Variants in UNC5D observed in about 807,000 individuals in gnomAD.
UNC5D encodes unc-5 netrin receptor D.
A neutral mutation model predicts 105.4 loss-of-function variants in UNC5D; 39 were observed. The observed-to-expected ratio is 0.37, with a 90% confidence interval of 0.29 to 0.48. UNC5D has a LOEUF of 0.48. UNC5D is among the 20% of genes least tolerant of loss of function. UNC5D has a pLI of 0.98. For synonymous variants in UNC5D, 452 were observed against 450.4 expected (o/e 1.00, Z -0.04); for missense variants, 991 against 1,202.4 (o/e 0.82, Z 2.60).
chr8:35,589,407 T>C (rs1819011758), intron 3 of UNC5D, among the ~76,000 whole-genome samples: 1 of 106,402 alleles, frequency 9.4e-6, no homozygotes, highest in African/African-American at 3.3e-5. Context: ...AGCTCTCATC[T>C]TTTTTTTTTT....
At position 35,766,910 on chromosome 8, in the gene UNC5D, G is replaced by C. The variant is rs772701180; in HGVS notation, c.2322G>C (p.Pro774=). The C allele has an allele frequency of 1.2e-6, 2 of 1,611,894 alleles. No individual in the cohort carries two copies. Among genetic ancestry groups the C allele is most frequent in the Non-Finnish European group, 1.7e-6 (2 of 1,178,782 alleles). Residue 774 remains proline, a synonymous_variant, in exon 15 of 17, where the codon CCG becomes CCC. Transcript: ENST00000404895. ...CTCCGTCTCCCCTGCAGGAAGTCCC[G>C]TTCTCCCGCGTGTGGTGCAGTAACC... is the stretch of plus-strand genomic sequence containing the variant. ...IKPFTACQEV[P]FSRVWCSNRQ...
intron 1 of UNC5D, among the ~76,000 whole-genome samples, chr8:35,447,719 C>T (rs1414836755): frequency 1.3e-5 from 2 of 152,058 alleles, no homozygotes; most frequent in African/African-American, 4.8e-5. Context: ...TTGTGGATCT[C>T]ATGTGGGTAC....
intron 8 of UNC5D, among the ~76,000 whole-genome samples, chr8:35,714,441 AG>A (rs1230468846): frequency 6.6e-6 from 1 of 152,188 alleles, no homozygotes. Context: ...AAGACTGTTC[AG>A]GATCAAGGAA....
intron 1 of UNC5D, among the ~76,000 whole-genome samples, chr8:35,507,553 A>G (rs1419469847): frequency 6.6e-6 from 1 of 151,918 alleles, no homozygotes; most frequent in East Asian, 1.9e-4. Flanking sequence ...AGGAGAGTAA[A>G]CAGGTGAAGT....
chr8:35,340,524 C>T (rs1482478287), intron 1 of UNC5D, among the ~76,000 whole-genome samples: 1 of 152,124 alleles, frequency 6.6e-6, no homozygotes, highest in Non-Finnish European at 1.5e-5. Context: ...GAGAAAGTAT[C>T]TCTGGTTAAA....
chr8:35,393,392 C>T (rs551033594), intron 1 of UNC5D, among the ~76,000 whole-genome samples: 5 of 152,190 alleles, frequency 3.3e-5, no homozygotes, highest in South Asian at 2.1e-4. Flanking sequence ...CTCGGCCTCC[C>T]AAAGTGCTGG....
At chr8:35,459,624 A>G (rs1403714533) in intron 1 of UNC5D, among the ~76,000 whole-genome samples, 1 of 152,180 alleles carries the variant, frequency 6.6e-6, no homozygotes, top group African/African-American at 2.4e-5. Context: ...TTTCTAGCAC[A>G]TTCTTTATAA....
chr8:35,713,151 A>G (rs540945834), intron 8 of UNC5D, among the ~76,000 whole-genome samples: 1 of 152,170 alleles, frequency 6.6e-6, no homozygotes, highest in African/African-American at 2.4e-5. Flanking sequence ...TTTGCCCTTA[A>G]TGGACATGAT....
chr8:35,375,101 A>C (rs1802625512), intron 1 of UNC5D, among the ~76,000 whole-genome samples: 1 of 152,206 alleles, frequency 6.6e-6, no homozygotes, highest in Non-Finnish European at 1.5e-5. Context: ...GAAATTAGTG[A>C]GGTTGTTTTA....
At chr8:35,717,417 C>T (rs2131513570) in intron 8 of UNC5D, among the ~76,000 whole-genome samples, 1 of 152,230 alleles carries the variant, frequency 6.6e-6, no homozygotes, top group Middle Eastern at 3.4e-3. Context: ...CTACAGAGTC[C>T]TTTGGACACA....
At chr8:35,408,838 A>C (rs1804975562) in intron 1 of UNC5D, among the ~76,000 whole-genome samples, 1 of 152,072 alleles carries the variant, frequency 6.6e-6, no homozygotes, top group Admixed American at 6.6e-5. Flanking sequence ...TAAAGCATAT[A>C]GCTCTATGAA....
At chr8:35,265,811 A>G (rs1162232901) in intron 1 of UNC5D, among the ~76,000 whole-genome samples, 2 of 151,844 alleles carry the variant, frequency 1.3e-5, no homozygotes, top group Admixed American at 6.6e-5. Context: ...CAGAGCTTGC[A>G]GTGAGCCAAG....
At chr8:35,363,699 A>C (rs1236652438) in intron 1 of UNC5D, among the ~76,000 whole-genome samples, 1 of 152,104 alleles carries the variant, frequency 6.6e-6, no homozygotes, top group Non-Finnish European at 1.5e-5. Flanking sequence ...TTTCTCCCCT[A>C]TAAGCTTGTT....
At chr8:35,728,251 T>C (rs1445551339) in intron 10 of UNC5D, among the ~76,000 whole-genome samples, 3 of 151,998 alleles carry the variant, frequency 2.0e-5, no homozygotes, top group Non-Finnish European at 4.4e-5. Flanking sequence ...CTTCTCTCTC[T>C]TTGCATCCTC....
intron 1 of UNC5D, among the ~76,000 whole-genome samples, chr8:35,248,743 TA>T (rs1358411498): frequency 1.0e-5 from 1 of 96,036 alleles, no homozygotes; most frequent in Admixed American, 1.7e-4. Flanking sequence ...ATAATATATA[TA>T]AAATATATAA....
intron 2 of UNC5D, among the ~76,000 whole-genome samples, chr8:35,565,962 C>T (rs555319430): frequency 6.6e-6 from 1 of 152,326 alleles, no homozygotes; most frequent in Non-Finnish European, 1.5e-5. Flanking sequence ...TCTGCCCATT[C>T]ATATTTCTTC....
intron 1 of UNC5D, among the ~76,000 whole-genome samples, chr8:35,259,016 G>A (rs1272187692): frequency 2.0e-5 from 3 of 152,188 alleles, no homozygotes; most frequent in Non-Finnish European, 4.4e-5. Context: ...GTTTAGGTCT[G>A]TCTGGGAAGG....
intron 11 of UNC5D, among the ~76,000 whole-genome samples, chr8:35,743,350 A>C (rs1314905713): frequency 6.6e-6 from 1 of 151,960 alleles, no homozygotes; most frequent in African/African-American, 2.4e-5. Flanking sequence ...GCTCACTGCA[A>C]CATCCACCTC....
rs144641914 is a variant in UNC5D at position 35,468,164 on chromosome 8, G to A, written c.104-81128G>A. On this transcript the variant is annotated intron_variant, in intron 1 of 16. Transcript: ENST00000404895. ...GTTGAAACTAACTTAGCCCGGTAATGTGTTGGTCGTTTAGGGATTGCCCTA... is the reference window on the plus strand; with the variant it reads ...GTTGAAACTAACTTAGCCCGGTAATATGTTGGTCGTTTAGGGATTGCCCTA... Among the ~76,000 whole-genome samples, 139 of 152,294 alleles carry A rather than the reference G, an allele frequency of 9.1e-4. 2 individuals are homozygous for A. The East Asian group carries it at 0.024, about 26-fold the overall frequency.
Sources: gnomAD v4.1 joint callset for allele counts (sites outside exome capture counted in the v4.1 genomes callset) on GRCh38, gnomAD v4.1.1 for gene constraint, MANE v1.5 for transcripts, NCBI Gene and HGNC (gene_info 2026-07-23, HGNC 2026-07-21) for gene names.